Variants in CAGE1 observed in about 807,000 individuals in gnomAD.
CAGE1 encodes the protein cancer antigen 1, also known as cancer-associated gene 1 protein.
In CAGE1, 66 loss-of-function variants were observed where a neutral mutation model predicts 94.9. The observed-to-expected ratio is 0.70, with a 90% CI of 0.57 to 0.85. The LOEUF (loss-of-function observed/expected upper bound fraction) is 0.85. Among genes scored for constraint, CAGE1 ranks in the 40% least tolerant of loss-of-function variants. The pLI is 0.00. For synonymous variants in CAGE1, 319 were observed against 321.0 expected (o/e 0.99, Z 0.07); for missense variants, 865 against 950.4 (o/e 0.91, Z 1.18).
At chr6:7,348,006 G>T (rs1759626333) in intron 11 of CAGE1, among the ~76,000 whole-genome samples, 1 of 148,686 alleles carries the variant, frequency 6.7e-6, no homozygotes, top group Non-Finnish European at 1.5e-5. Flanking sequence ...TGAAGACAAA[G>T]GGCATATATT....
intron 11 of CAGE1, among the ~76,000 whole-genome samples, chr6:7,347,170 G>A (rs374076704): frequency 6.6e-6 from 1 of 152,098 alleles, no homozygotes; most frequent in South Asian, 2.1e-4. Flanking sequence ...GCTCCAGAAT[G>A]ACTGCAAGAA....
At chr6:7,371,319 T>C (rs1311637480) in intron 5 of CAGE1, among the ~76,000 whole-genome samples, 2 of 152,166 alleles carry the variant, frequency 1.3e-5, no homozygotes, top group African/African-American at 4.8e-5. Context: ...CCTTTTTTCT[T>C]AGATCTTAGA....
Position 7,373,429 on chromosome 6 carries a change from T to A in CAGE1, c.1390A>T (p.Lys464Ter). ...RLQQLKKELE[K>*]ATASALDLLK... ...AAGTCCAAAGCAGAAGCTGTGGCCT[T>A]TTCCAGTTCTTTTTTGAGTTGTTGT... is the stretch of plus-strand genomic sequence containing the variant. Residue 464 changes from lysine (K) to a stop codon, truncating the protein, a stop_gained, in exon 5 of 14, where the codon AAG becomes TAG. Transcript: ENST00000502583. LOFTEE classifies it high-confidence loss of function. 1 of 1,613,860 alleles carries A rather than the reference T, an allele frequency of 6.2e-7. No homozygotes were observed. Among genetic ancestry groups the A allele is most frequent in the Middle Eastern group, 1.6e-4 (1 of 6,062 alleles).
chr6:7,366,514 T>G (rs767100514), intron 7 of CAGE1, among the ~76,000 whole-genome samples: 1 of 151,924 alleles, frequency 6.6e-6, no homozygotes, highest in Non-Finnish European at 1.5e-5. Context: ...CTTCCAGGGG[T>G]CTGGAATTTT....
At chr6:7,361,825 A>G (rs1760176005) in intron 9 of CAGE1, among the ~76,000 whole-genome samples, 1 of 152,234 alleles carries the variant, frequency 6.6e-6, no homozygotes, top group African/African-American at 2.4e-5. Context: ...CATCTATGTA[A>G]ACTAAGAATG....
In CAGE1 at chr6:7,335,122, T is replaced by C. The variant is rs116407484; in HGVS notation, c.2370-1032A>G. Among the ~76,000 whole-genome samples the C allele has an allele frequency of 6.9e-3, 1,049 of 152,322 alleles. 15 individuals are homozygous for C. The highest frequency in any genetic ancestry group is 0.024 in the African/African-American group (1,003 of 41,578). On this transcript the variant is annotated intron_variant, in intron 11 of 13. Transcript: ENST00000502583. The stretch of plus-strand genomic sequence containing the variant: ...CCTTTTCTCCCCGTTTCCACTGTCA[T>C]GTTGACTCTTTATCTTCTGTCATCA...
intron 11 of CAGE1, among the ~76,000 whole-genome samples, chr6:7,345,232 A>T (rs1283007340): frequency 6.7e-6 from 1 of 148,684 alleles, no homozygotes; most frequent in Non-Finnish European, 1.5e-5. Context: ...CTACCAGCCT[A>T]CCAAGAAGAA....
At chr6:7,388,242 T>C (rs975744611) in intron 1 of CAGE1, among the ~76,000 whole-genome samples, 27 of 152,166 alleles carry the variant, frequency 1.8e-4, no homozygotes, top group African/African-American at 6.3e-4. Flanking sequence ...TACCCGGTAC[T>C]CCCCTGCTCT....
At position 7,389,454 on chromosome 6, in the gene CAGE1, C is replaced by T. The variant is rs752581194; in HGVS notation, c.-276G>A. On this transcript the variant is annotated 5_prime_UTR_variant, in exon 1 of 14. Transcript: ENST00000502583. Reference sequence around the variant, plus strand: ...CGCCCCTGTGTGACGTCCGCCCGCGCCGGGGGAACTCCGCAGAGACAGGTG... The same window carrying T: ...CGCCCCTGTGTGACGTCCGCCCGCGTCGGGGGAACTCCGCAGAGACAGGTG... 4 of 406,376 alleles carry T rather than the reference C, an allele frequency of 9.8e-6. No individual in the cohort carries two copies. The highest frequency in any genetic ancestry group is 2.1e-5 in the African/African-American group (1 of 48,358). 25.2% of individuals were successfully genotyped at this position (406,376 alleles called of 1,614,324 possible).
intron 5 of CAGE1, among the ~76,000 whole-genome samples, chr6:7,371,766 G>A (rs1197680406): frequency 1.3e-5 from 2 of 152,154 alleles, no homozygotes; most frequent in African/African-American, 2.4e-5. Context: ...CAGCCTGGGC[G>A]ACAGAGCGAG....
intron 11 of CAGE1, among the ~76,000 whole-genome samples, chr6:7,353,164 A>G (rs1481378970): frequency 6.6e-6 from 1 of 152,262 alleles, no homozygotes; most frequent in Non-Finnish European, 1.5e-5. Context: ...ACAAATATCC[A>G]GAATCTATAA....
At chr6:7,344,398 G>C (rs1484886050) in intron 11 of CAGE1, among the ~76,000 whole-genome samples, 2 of 152,240 alleles carry the variant, frequency 1.3e-5, no homozygotes, top group Admixed American at 1.3e-4. Context: ...TCCCCCAGCA[G>C]TGCCAGCCCA....
chr6:7,376,806 C>T (rs1195471721), intron 4 of CAGE1, among the ~76,000 whole-genome samples: 5 of 152,142 alleles, frequency 3.3e-5, no homozygotes, highest in Admixed American at 6.5e-5. Flanking sequence ...ATGGAAGGCT[C>T]TCCTACCCAT....
chr6:7,345,398 T>C (rs1207585105), intron 11 of CAGE1, among the ~76,000 whole-genome samples: 1 of 152,152 alleles, frequency 6.6e-6, no homozygotes, highest in East Asian at 1.9e-4. Flanking sequence ...AGATGTGCCA[T>C]CTTAAGAGCT....
intron 3 of CAGE1, among the ~76,000 whole-genome samples, chr6:7,381,032 TGTGAC>T (rs1475098380): frequency 1.3e-5 from 2 of 152,258 alleles, no homozygotes; most frequent in Non-Finnish European, 2.9e-5. Flanking sequence ...GGTATTTTAC[TGTGAC>T]CTTCTTAATG....
chr6:7,346,111 A>T (rs547858043), intron 11 of CAGE1, among the ~76,000 whole-genome samples: 1 of 152,218 alleles, frequency 6.6e-6, no homozygotes, highest in African/African-American at 2.4e-5. Context: ...GTTTATCAAG[A>T]AATAAAGGAA....
Position 7,379,030 on chromosome 6 carries a change from A to C in CAGE1, c.284-10T>G. Reference sequence around the variant, plus strand: ...TTTTCAATGTTGTTATCTCATAAGAAAGAGAAAGAAGGAAATAAAAACGAG... The same window carrying C: ...TTTTCAATGTTGTTATCTCATAAGACAGAGAAAGAAGGAAATAAAAACGAG... On this transcript the variant is annotated splice_polypyrimidine_tract_variant and intron_variant, in intron 3 of 13. Transcript: ENST00000502583. 2.0e-6 allele frequency: 3 copies of C among 1,473,300 alleles called. No homozygotes were observed. Among genetic ancestry groups the C allele is most frequent in the Non-Finnish European group, 1.8e-6 (2 of 1,113,420 alleles). 91.3% of individuals were successfully genotyped at this position (1,473,300 alleles called of 1,614,324 possible).
In CAGE1 at chr6:7,373,960, G is replaced by A. The variant is rs1351697369; in HGVS notation, c.859C>T (p.Pro287Ser). ...SEACRENCEMPDWEQSAESLQ... is the reference protein window; with the variant it reads ...SEACRENCEMSDWEQSAESLQ... ...CTTTCAGCACTTTGCTCCCAGTCAG[G>A]CATCTCACAGTTCTCCCGACATGCT... is the stretch of plus-strand genomic sequence containing the variant. Residue 287 changes from proline (P) to serine (S), a missense_variant, in exon 5 of 14, where the codon CCT becomes TCT. By Grantham distance (74) the Pro-to-Ser change is moderately conservative. Transcript: ENST00000502583. The A allele has an allele frequency of 6.2e-7, 1 of 1,613,982 alleles. No individual in the cohort carries two copies. The highest frequency in any genetic ancestry group is 8.5e-7 in the Non-Finnish European group (1 of 1,179,888).
intron 11 of CAGE1, among the ~76,000 whole-genome samples, chr6:7,340,042 T>C (rs1253417690): frequency 1.3e-5 from 2 of 152,222 alleles, no homozygotes; most frequent in Non-Finnish European, 2.9e-5. Context: ...ACCAGCAGTG[T>C]AGAAGTGTTC....
Sources: gnomAD v4.1 joint callset for allele counts (sites outside exome capture counted in the v4.1 genomes callset) on GRCh38, gnomAD v4.1.1 for gene constraint, MANE v1.5 for transcripts, NCBI Gene and HGNC (gene_info 2026-07-23, HGNC 2026-07-21) for gene names.